Variants in CPE observed in about 807,000 individuals in gnomAD.
CPE encodes carbocypeptidase E.
In CPE, 17 loss-of-function variants were observed where a neutral mutation model predicts 53.5. The ratio of observed to expected loss-of-function variants is 0.32; its 90% confidence interval spans 0.22 to 0.48. The LOEUF is 0.48. Ranked by LOEUF, CPE falls within the 20% of genes least tolerant of loss-of-function variation. The probability of loss-of-function intolerance (pLI) is 0.99; values close to 1 mark genes in which losing one functional copy is unlikely to be tolerated. For missense variants in CPE, 524 were observed against 614.7 expected (o/e 0.85, Z 1.56); for synonymous variants, 226 against 228.8 (o/e 0.99, Z 0.11).
intron 1 of CPE, among the ~76,000 whole-genome samples, chr4:165,424,496 A>G (rs1214440970): frequency 1.3e-5 from 2 of 151,814 alleles, no homozygotes; most frequent in Non-Finnish European, 2.9e-5. Flanking sequence ...GTATTTTGCA[A>G]TAAAGTCCAG....
intron 1 of CPE, among the ~76,000 whole-genome samples, chr4:165,453,976 A>T (rs1036566972): frequency 2.7e-4 from 41 of 151,152 alleles, no homozygotes; most frequent in African/African-American, 9.2e-4. Context: ...AAAAGCTAGA[A>T]TTTTTTTTTT....
At chr4:165,455,655 A>ATTT (rs11357652) in intron 1 of CPE, among the ~76,000 whole-genome samples, 1 of 142,030 alleles carries the variant, frequency 7.0e-6, no homozygotes, top group African/African-American at 2.7e-5. Flanking sequence ...AGTCAAAGGT[A>ATTT]TTTTTTTTTT....
At chr4:165,440,285 A>G (rs1218624845) in intron 1 of CPE, among the ~76,000 whole-genome samples, 1 of 152,196 alleles carries the variant, frequency 6.6e-6, no homozygotes, top group African/African-American at 2.4e-5. Flanking sequence ...TTATTATAGA[A>G]AATAACTTTG....
intron 3 of CPE, among the ~76,000 whole-genome samples, chr4:165,475,070 C>T (rs1583646): frequency 0.33 from 50,905 of 152,050 alleles, 9,718 homozygotes; most frequent in Middle Eastern, 0.44. Context: ...GCGAGTGAAA[C>T]GGCAACATTT....
At chr4:165,380,624 C>T (rs1730492585) in intron 1 of CPE, among the ~76,000 whole-genome samples, 1 of 152,078 alleles carries the variant, frequency 6.6e-6, no homozygotes, top group Non-Finnish European at 1.5e-5. Context: ...TAAAAATTCT[C>T]AGTGCAGGGC....
chr4:165,481,018 T>TATA lies in CPE; in HGVS notation c.673-1224_673-1223insATA, dbSNP rs1560894846. On this transcript the variant is annotated intron_variant, in intron 3 of 8. Coordinates refer to ENST00000402744, the MANE Select transcript of CPE (RefSeq NM_001873.4). The stretch of plus-strand genomic sequence containing the variant: ...TGGATATATATATATATATATATAT[T>TATA]TTTTTTTTTTTTTTTAGCAAAAATA... 3.1e-3 allele frequency among the ~76,000 whole-genome samples: 355 copies of TATA among 115,232 alleles called. 2 individuals carry two copies. The highest frequency in any genetic ancestry group is 0.013 in the African/African-American group (337 of 25,982). The allele number at this position is 115,232 out of a possible 152,430, so 75.6% of individuals were successfully genotyped here.
chr4:165,479,852 T>C (rs540592918), intron 3 of CPE, among the ~76,000 whole-genome samples: 2 of 151,924 alleles, frequency 1.3e-5, no homozygotes, highest in Non-Finnish European at 2.9e-5. Flanking sequence ...ATTAGCCAGG[T>C]GTGGTGGCAG....
At position 165,479,035 on chromosome 4, in the gene CPE, G is replaced by A. The variant is rs113299501; in HGVS notation, c.673-3207G>A. On this transcript the variant is annotated intron_variant, in intron 3 of 8. Transcript: ENST00000402744. ...AATATTTGTCAATATCTGCCATTGGGTTAAAGAAAATAGAGGGAATGAGAG... is the reference window on the plus strand; with the variant it reads ...AATATTTGTCAATATCTGCCATTGGATTAAAGAAAATAGAGGGAATGAGAG... 3.0e-3 allele frequency among the ~76,000 whole-genome samples: 462 copies of A among 152,236 alleles called. 2 individuals are homozygous for A. The highest frequency in any genetic ancestry group is 0.01 in the Middle Eastern group (3 of 294).
At chr4:165,493,075 G>A in intron 6 of CPE, 96 bp from the exon 7 acceptor site, 1 of 745,158 alleles carries the variant, frequency 1.3e-6, no homozygotes. Context: ...GGTATTTGCT[G>A]GAAAATAAAG....
chr4:165,474,836 T>C (rs898025065), intron 3 of CPE, among the ~76,000 whole-genome samples: 4 of 152,218 alleles, frequency 2.6e-5, no homozygotes, highest in African/African-American at 4.8e-5. Context: ...ACTCAGAGCA[T>C]TGTAGCAACA....
intron 1 of CPE, among the ~76,000 whole-genome samples, chr4:165,422,164 A>G (rs765398587): frequency 1.2e-4 from 19 of 152,134 alleles, no homozygotes; most frequent in Non-Finnish European, 2.6e-4. Flanking sequence ...TGGCACAGTT[A>G]TTAAAATTCT....
intron 5 of CPE, among the ~76,000 whole-genome samples, chr4:165,486,132 G>A (rs551669389): frequency 4.6e-5 from 7 of 152,072 alleles, no homozygotes; most frequent in African/African-American, 1.7e-4. Context: ...GGAATTGGGG[G>A]TGAGAGATAG....
At chr4:165,497,469 A>C in intron 8 of CPE, 43 bp from the exon 9 acceptor site, 1 of 1,117,656 alleles carries the variant, frequency 8.9e-7, no homozygotes, top group African/African-American at 1.6e-5. Flanking sequence ...TTAAAAAAAC[A>C]CATGCAGTTT....
chr4:165,434,206 C>G (rs1025288422), intron 1 of CPE, among the ~76,000 whole-genome samples: 2 of 151,986 alleles, frequency 1.3e-5, no homozygotes, highest in Non-Finnish European at 2.9e-5. Context: ...CTGTCAACTC[C>G]CAGGGTCAGG....
In CPE at chr4:165,379,544, C is replaced by T. The variant is rs764251907; in HGVS notation, c.307+16C>T. On this transcript the variant is annotated intron_variant, in intron 1 of 8. Transcript: ENST00000402744. This position sits in a 1 kb window ranked among gnomAD's most constrained non-coding sequence, Gnocchi z 6.0. ...CATGAGCCTGGTAAGGGCGCTGCCC[C>T]CTGACAGCCCTGGGGGCATCCCGGA... The T allele has an allele frequency of 3.9e-6, 6 of 1,540,166 alleles. No homozygotes were observed. Among genetic ancestry groups the T allele is most frequent in the Non-Finnish European group, 4.4e-6 (5 of 1,135,886 alleles).
chr4:165,470,625 A>T (rs189501825), intron 3 of CPE, among the ~76,000 whole-genome samples: 1 of 152,234 alleles, frequency 6.6e-6, no homozygotes, highest in East Asian at 1.9e-4. Flanking sequence ...AGGCAGTTTA[A>T]CAACCGCTTG....
At chr4:165,406,144 C>CT in intron 1 of CPE, 1 of 745,744 alleles carries the variant, frequency 1.3e-6, no homozygotes, top group South Asian at 1.4e-5. Flanking sequence ...CTGAATGCAG[C>CT]TGTTTGTTTA....
At chr4:165,394,889 A>G (rs1730739357) in intron 1 of CPE, among the ~76,000 whole-genome samples, 1 of 152,226 alleles carries the variant, frequency 6.6e-6, no homozygotes, top group Non-Finnish European at 1.5e-5. Flanking sequence ...AATATATTGC[A>G]TGTTTAATGA....
At chr4:165,440,855 C>A (rs1731597658) in intron 1 of CPE, among the ~76,000 whole-genome samples, 1 of 151,504 alleles carries the variant, frequency 6.6e-6, no homozygotes, top group Non-Finnish European at 1.5e-5. Flanking sequence ...GCCAGAGAGG[C>A]TGGTGTGCTC....
Sources: gnomAD v4.1 joint callset for allele counts (sites outside exome capture counted in the v4.1 genomes callset) on GRCh38, gnomAD v4.1.1 for gene constraint, Gnocchi (gnomAD v3.1) non-coding constraint, MANE v1.5 for transcripts, NCBI Gene and HGNC (gene_info 2026-07-23, HGNC 2026-07-21) for gene names.